The following WNT3 variants were observed in gnomAD, a reference collection of about 807,000 sequenced individuals.
The protein encoded by WNT3 is Wnt family member 3.
In WNT3, 7 loss-of-function variants were observed where a neutral mutation model predicts 34.2. The observed-to-expected ratio is 0.20, with a 90% confidence interval of 0.12 to 0.38. WNT3 has a LOEUF of 0.38. Among genes scored for constraint, WNT3 ranks in the 10% least tolerant of loss-of-function variants. WNT3 has a pLI of 1.00. For synonymous variants in WNT3, 212 were observed against 211.5 expected (o/e 1.00, Z -0.02); for missense variants, 267 against 499.8 (o/e 0.53, Z 4.44).
chr17:46,781,198 C>T (rs2059457518), intron 1 of WNT3, among the ~76,000 whole-genome samples: 1 of 149,514 alleles, frequency 6.7e-6, no homozygotes, highest in Non-Finnish European at 1.5e-5. Context: ...TGCACTCCAG[C>T]TTGGGCGACA....
chr17:46,794,013 G>A (rs2084020210), intron 1 of WNT3, among the ~76,000 whole-genome samples: 1 of 152,268 alleles, frequency 6.6e-6, no homozygotes, highest in Middle Eastern at 3.4e-3. Flanking sequence ...TAGGCACGAC[G>A]GGGACATAAC....
chr17:46,810,244 G>A (rs1257400104), intron 1 of WNT3, among the ~76,000 whole-genome samples: 1 of 151,984 alleles, frequency 6.6e-6, no homozygotes. Context: ...CTGACCTCAG[G>A]TGATCCACCC....
intron 1 of WNT3, among the ~76,000 whole-genome samples, chr17:46,802,214 G>A (rs1164655997): frequency 6.6e-6 from 1 of 152,168 alleles, no homozygotes; most frequent in Non-Finnish European, 1.5e-5. Flanking sequence ...CTTCAAGATT[G>A]AGGTTGGTTA....
At chr17:46,771,718 G>A in intron 2 of WNT3, among the ~76,000 whole-genome samples, 1 of 141,432 alleles carries the variant, frequency 7.1e-6, no homozygotes, top group Non-Finnish European at 1.6e-5. Flanking sequence ...CCCGGCCCCG[G>A]CGCCGGGCCG....
At position 46,773,852 on chromosome 17, in the gene WNT3, G is replaced by A. The variant is rs748663066; in HGVS notation, c.138C>T (p.Gly46=). The A allele has an allele frequency of 6.2e-7, 1 of 1,613,128 alleles. No individual in the cohort carries two copies. Among genetic ancestry groups the A allele is most frequent in the Middle Eastern group, 1.8e-4 (1 of 5,606 alleles). ...TSLGSQPLLC[G]SIPGLVPKQL... is the part of the protein sequence containing the mutation. The stretch of plus-strand genomic sequence containing the variant: ...GCTTGGGGACCAGGCCTGGGATGGA[G>A]CCGCAGAGCAGGGGCTGTGAGCCCA... The change falls in exon 2 of 5, where the codon GGC becomes GGT. Residue 46 remains glycine, a synonymous_variant. Transcript: ENST00000225512.
chr17:46,771,780 GC>G (rs1268669770), intron 2 of WNT3, among the ~76,000 whole-genome samples: 2 of 142,792 alleles, frequency 1.4e-5, no homozygotes, highest in Non-Finnish European at 3.1e-5. Flanking sequence ...GCCGCGCCGC[GC>G]CGCGCCGAAT....
intron 1 of WNT3, among the ~76,000 whole-genome samples, chr17:46,790,871 A>G (rs554824501): frequency 3.3e-5 from 5 of 152,344 alleles, no homozygotes; most frequent in South Asian, 4.1e-4. Flanking sequence ...GCTCACGTAC[A>G]TCGGAAAAGG....
At chr17:46,780,217 G>A (rs1269354646) in intron 1 of WNT3, among the ~76,000 whole-genome samples, 2 of 152,140 alleles carry the variant, frequency 1.3e-5, no homozygotes, top group African/African-American at 4.8e-5. Flanking sequence ...AGATGCTGCC[G>A]TCCACCCAGT....
intron 1 of WNT3, among the ~76,000 whole-genome samples, chr17:46,778,531 C>G (rs529606410): frequency 1.3e-5 from 2 of 152,300 alleles, no homozygotes; most frequent in South Asian, 4.1e-4. Flanking sequence ...CGGCCACCCC[C>G]ACCCTGAGCC....
chr17:46,783,347 G>A (rs989492904), intron 1 of WNT3, among the ~76,000 whole-genome samples: 1 of 152,222 alleles, frequency 6.6e-6, no homozygotes, highest in African/African-American at 2.4e-5. Flanking sequence ...TCAGAGAGCA[G>A]GTTGAAGTCT....
At position 46,762,794 on chromosome 17, in the gene WNT3, A is replaced by C. The variant is rs2059280237; in HGVS notation, c.*1836T>G. 1 of 152,156 alleles carries C rather than the reference A, an allele frequency of 6.6e-6. No individual in the cohort carries two copies. The highest frequency in any genetic ancestry group is 1.5e-5 in the Non-Finnish European group (1 of 68,026). 9.4% of individuals were successfully genotyped at this position (152,156 alleles called of 1,614,324 possible). A position where few individuals can be genotyped will look rare whatever the true frequency, so the allele number is the denominator to read the frequency against. Reference sequence around the variant, plus strand: ...CGGCGAGAATCATTACAATGCACTCATGTACTATTATTAAATAATTACTTG... The same window carrying C: ...CGGCGAGAATCATTACAATGCACTCCTGTACTATTATTAAATAATTACTTG... On this transcript the variant is annotated 3_prime_UTR_variant, in exon 5 of 5. Coordinates refer to ENST00000225512, the MANE Select transcript of WNT3 (RefSeq NM_030753.5).
At chr17:46,809,710 T>C (rs2084245967) in intron 1 of WNT3, among the ~76,000 whole-genome samples, 2 of 152,146 alleles carry the variant, frequency 1.3e-5, no homozygotes, top group Admixed American at 1.3e-4. Context: ...GGCCAGTGGT[T>C]TTTGCATTAG....
intron 1 of WNT3, among the ~76,000 whole-genome samples, chr17:46,779,907 C>G (rs961100627): frequency 6.6e-6 from 1 of 152,100 alleles, no homozygotes; most frequent in African/African-American, 2.4e-5. Context: ...AAGAGGCATG[C>G]GTCACCATGC....
intron 1 of WNT3, among the ~76,000 whole-genome samples, chr17:46,794,162 G>A (rs1181796522): frequency 2.6e-5 from 4 of 152,028 alleles, no homozygotes; most frequent in Non-Finnish European, 4.4e-5. Context: ...ATAGAACAGG[G>A]GTGGGGGTGG....
chr17:46,784,979 G>A (rs538702077), intron 1 of WNT3, among the ~76,000 whole-genome samples: 36 of 152,116 alleles, frequency 2.4e-4, no homozygotes, highest in South Asian at 6.2e-4. Context: ...GGGTTTCACT[G>A]TGTTAGCCAG....
chr17:46,772,661 C>G (rs1331929112), intron 2 of WNT3, among the ~76,000 whole-genome samples: 1 of 152,206 alleles, frequency 6.6e-6, no homozygotes, highest in East Asian at 1.9e-4. Flanking sequence ...ACCCTCCTGT[C>G]CCATGACAAT....
At chr17:46,766,323 G>A (rs2059312477) in intron 4 of WNT3, among the ~76,000 whole-genome samples, 2 of 151,834 alleles carry the variant, frequency 1.3e-5, no homozygotes, top group South Asian at 2.1e-4. Context: ...CAGGAGAATC[G>A]CTTGAACCCA....
chr17:46,767,274 C>T (rs960326869), intron 4 of WNT3, among the ~76,000 whole-genome samples: 2 of 152,132 alleles, frequency 1.3e-5, no homozygotes, highest in African/African-American at 2.4e-5. Context: ...CTCATCCCAG[C>T]CACTCTGAAC....
At chr17:46,813,669 AG>A (rs1045246474) in intron 1 of WNT3, among the ~76,000 whole-genome samples, 2 of 152,018 alleles carry the variant, frequency 1.3e-5, no homozygotes, top group Non-Finnish European at 2.9e-5. Flanking sequence ...TTTCCCTGGA[AG>A]GGTTTGTTAG....
Sources: allele counts gnomAD v4.1 joint callset (sites outside exome capture counted in the v4.1 genomes callset), GRCh38; gene constraint gnomAD v4.1.1; transcripts MANE v1.5; gene names NCBI Gene and HGNC (gene_info 2026-07-23, HGNC 2026-07-21).